ATRX: variants seen among roughly 807,000 people sequenced by gnomAD.
ATRX encodes the protein chromatin remodeler ATRX.
In ATRX, 12 loss-of-function variants were observed where a neutral mutation model predicts 172.6. That is an observed-to-expected ratio of 0.07 (90% confidence interval 0.04 to 0.11). The LOEUF (loss-of-function observed/expected upper bound fraction) is 0.11. ATRX is among the 10% of genes least tolerant of loss of function. ATRX has a pLI of 1.00. For missense variants in ATRX, 1,368 were observed against 1,767.4 expected, an observed-to-expected ratio of 0.77 and a Z score of 4.05; for synonymous variants, 674 against 594.7, an observed-to-expected ratio of 1.13 and a Z score of -1.94.
At chrX:77,595,403 T>C (rs1355140683) in intron 25 of ATRX, 1 of 111,814 alleles carries the variant, frequency 8.9e-6, no homozygotes, top group Non-Finnish European at 1.9e-5. Flanking sequence ...TATTTCAGTT[T>C]CGGATCTTTT....
chrX:77,636,872 GGGA>G (rs782119800), intron 15 of ATRX, among the ~76,000 whole-genome samples: 66 of 99,441 alleles, frequency 6.6e-4, no homozygotes, highest in Non-Finnish European at 1.3e-3. Flanking sequence ...GGGAGGAGGA[GGGA>G]GGAGGAGGAG....
intron 22 of ATRX, among the ~76,000 whole-genome samples, chrX:77,609,034 C>T (rs1234604470): frequency 8.9e-6 from 1 of 111,873 alleles, no homozygotes; most frequent in Admixed American, 9.5e-5. Context: ...ATCAAAACTA[C>T]AATAAGATAT....
chrX:77,690,101 A>T (rs1207575654), intron 6 of ATRX, among the ~76,000 whole-genome samples: 2 of 112,265 alleles, frequency 1.8e-5, no homozygotes, highest in Non-Finnish European at 3.8e-5. Context: ...TAAGAGCTAG[A>T]GTCTCACTCT....
At chrX:77,517,729 C>T (rs2063100624) in intron 34 of ATRX, among the ~76,000 whole-genome samples, 2 of 111,839 alleles carry the variant, frequency 1.8e-5, no homozygotes, top group African/African-American at 6.5e-5. Context: ...AAGAAAACTA[C>T]AGGGCAATAT....
chrX:77,526,394 C>T (rs782094224), intron 30 of ATRX, among the ~76,000 whole-genome samples: 1 of 111,763 alleles, frequency 8.9e-6, no homozygotes, highest in African/African-American at 3.3e-5. Context: ...CCTCCACCTC[C>T]CAGGTTCCAG....
intron 12 of ATRX, among the ~76,000 whole-genome samples, chrX:77,662,219 A>C (rs1395059771): frequency 1.8e-5 from 2 of 111,544 alleles, no homozygotes; most frequent in African/African-American, 6.5e-5. Flanking sequence ...TTACTAAACC[A>C]GTGACTGCCA....
rs782367711 is a variant in ATRX, at chrX:77,684,339, T to C, written c.917A>G (p.Asn306Ser). The change falls in exon 9 of 35, where the codon AAT becomes AGT. Residue 306 changes from asparagine to serine, a missense_variant. Physicochemically the swap from Asn to Ser is conservative, Grantham distance 46. Coordinates refer to ENST00000373344, the MANE Select transcript of ATRX (RefSeq NM_000489.6). ...KKIKVDSEKS[N>S]KVYEHTSRFS... ...TCTGGATGTATGTTCATATACTTTATTACTCTTTTCACTGTCAACTTTTAT... is the reference window on the plus strand; with the variant it reads ...TCTGGATGTATGTTCATATACTTTACTACTCTTTTCACTGTCAACTTTTAT... The C allele has an allele frequency of 2.0e-5, 24 of 1,208,261 alleles. No homozygotes were observed. Among genetic ancestry groups the C allele is most frequent in the South Asian group, 3.5e-5 (2 of 56,805 alleles).
At chrX:77,785,055 C>A (rs1557206984) in intron 1 of ATRX, among the ~76,000 whole-genome samples, 2 of 111,287 alleles carry the variant, frequency 1.8e-5, no homozygotes, top group East Asian at 5.6e-4. Flanking sequence ...TTTTCAGACC[C>A]GTCAAGAGGC....
intron 12 of ATRX, among the ~76,000 whole-genome samples, chrX:77,660,521 C>T (rs978390140): frequency 9.2e-6 from 1 of 109,125 alleles, no homozygotes; most frequent in Admixed American, 9.9e-5. Context: ...GAGCCGAGAT[C>T]GCGCCACTGC....
intron 10 of ATRX, among the ~76,000 whole-genome samples, chrX:77,673,802 T>G (rs2148533641): frequency 9.0e-6 from 1 of 110,944 alleles, no homozygotes; most frequent in African/African-American, 3.3e-5. Context: ...AGTATATATG[T>G]TAGGGGAATT....
intron 1 of ATRX, among the ~76,000 whole-genome samples, chrX:77,774,086 G>C (rs1478938820): frequency 9.0e-6 from 1 of 110,502 alleles, no homozygotes; most frequent in Non-Finnish European, 1.9e-5. Flanking sequence ...GCCGTGCGTG[G>C]TGGGGCATGT....
At chrX:77,763,033 G>A (rs1417074978) in intron 1 of ATRX, among the ~76,000 whole-genome samples, 3 of 111,461 alleles carry the variant, frequency 2.7e-5, no homozygotes, top group Non-Finnish European at 5.6e-5. Flanking sequence ...ATAATCCACT[G>A]AAGGGTAAGT....
chrX:77,694,457 T>C, intron 5 of ATRX, among the ~76,000 whole-genome samples: 1 of 111,452 alleles, frequency 9.0e-6, no homozygotes, highest in East Asian at 2.8e-4. Context: ...GTATCTATAC[T>C]GCAGCATTTC....
chrX:77,646,768 A>T (rs1039211875), intron 15 of ATRX, among the ~76,000 whole-genome samples: 6 of 109,571 alleles, frequency 5.5e-5, no homozygotes, highest in African/African-American at 2.0e-4. Context: ...AAAACAGTTT[A>T]AAAAAATTAG....
At chrX:77,549,052 T>C (rs2064355729) in intron 30 of ATRX, among the ~76,000 whole-genome samples, 1 of 111,960 alleles carries the variant, frequency 8.9e-6, no homozygotes, top group Non-Finnish European at 1.9e-5. Flanking sequence ...GTGTATACTG[T>C]ACTTAAGAGG....
chrX:77,510,898 G>A (rs1296582631), intron 34 of ATRX, among the ~76,000 whole-genome samples: 1 of 112,833 alleles, frequency 8.9e-6, no homozygotes, highest in Non-Finnish European at 1.9e-5. Context: ...CACAAGAGGA[G>A]CTGGCTTTGC....
intron 19 of ATRX, among the ~76,000 whole-genome samples, chrX:77,622,287 T>C (rs1226471259): frequency 9.0e-6 from 1 of 111,566 alleles, no homozygotes; most frequent in Non-Finnish European, 1.9e-5. Flanking sequence ...ATCTGGTAAA[T>C]GGGGCTTAAA....
intron 30 of ATRX, among the ~76,000 whole-genome samples, chrX:77,529,636 C>T (rs1557045471): frequency 9.0e-6 from 1 of 111,510 alleles, no homozygotes; most frequent in Non-Finnish European, 1.9e-5. Context: ...GCAGGCCTGC[C>T]TTGCAAGAGG....
chrX:77,579,340 C>T (rs1003140655), intron 27 of ATRX, among the ~76,000 whole-genome samples: 1 of 112,057 alleles, frequency 8.9e-6, no homozygotes, highest in African/African-American at 3.2e-5. Flanking sequence ...TTGGGCAAGA[C>T]CCATTGCTCT....
Sources: allele counts gnomAD v4.1 joint callset (sites outside exome capture counted in the v4.1 genomes callset), GRCh38; gene constraint gnomAD v4.1.1; transcripts MANE v1.5; gene names NCBI Gene and HGNC (gene_info 2026-07-23, HGNC 2026-07-21).